GOSR2: variants seen among roughly 807,000 people sequenced by gnomAD.
GOSR2 encodes 27 kDa Golgi SNARE protein.
In GOSR2, 20 loss-of-function variants were observed where a neutral mutation model predicts 27.9. The ratio of observed to expected loss-of-function variants is 0.72; its 90% CI spans 0.50 to 1.04. The LOEUF (loss-of-function observed/expected upper bound fraction) is 1.04. GOSR2 is among the 50% of genes least tolerant of loss of function. The pLI, the probability that GOSR2 is intolerant of heterozygous loss-of-function variation, is 0.00. For missense variants in GOSR2, 261 were observed against 270.5 expected (o/e 0.97, Z 0.25); for synonymous variants, 91 against 98.8 (o/e 0.92, Z 0.47).
chr17:46,936,608 T>C (rs2088418387), intron 5 of GOSR2: 1 of 985,486 alleles, frequency 1.0e-6, no homozygotes, highest in African/African-American at 1.7e-5. Flanking sequence ...TGAAGCACTC[T>C]GATGACTGGG....
At chr17:46,944,698 C>T (rs1237026988), downstream of GOSR2, among the ~76,000 whole-genome samples, 1 of 151,678 alleles carries the variant, frequency 6.6e-6, no homozygotes, top group Non-Finnish European at 1.5e-5. Context: ...CTCCTGGGTT[C>T]AAGCGATTCT....
chr17:46,943,113 T>C (rs1283716068), downstream of GOSR2, among the ~76,000 whole-genome samples: 1 of 152,194 alleles, frequency 6.6e-6, no homozygotes, highest in Non-Finnish European at 1.5e-5. Flanking sequence ...AGGGAGCCGA[T>C]GGCTCTAATA....
At chr17:46,935,932 G>A (rs2088252480) in intron 5 of GOSR2, 16 of 985,712 alleles carry the variant, frequency 1.6e-5, no homozygotes, top group Non-Finnish European at 1.9e-5. Flanking sequence ...AGCACTCCCA[G>A]CCACTGAGCT....
downstream of GOSR2, among the ~76,000 whole-genome samples, chr17:46,944,413 C>T (rs1485299474): frequency 2.0e-5 from 3 of 152,176 alleles, no homozygotes; most frequent in Non-Finnish European, 4.4e-5. Flanking sequence ...TCCCACGTCC[C>T]TTTCTGGGGT....
intron 6 of GOSR2, among the ~76,000 whole-genome samples, chr17:46,956,864 C>T (rs1341035895): frequency 6.6e-6 from 1 of 152,192 alleles, no homozygotes; most frequent in Non-Finnish European, 1.5e-5. Flanking sequence ...AGAGCAGCTC[C>T]ACAGCGAGCA....
intron 1 of GOSR2, chr17:46,923,724 A>C (rs1242189868): frequency 2.2e-6 from 1 of 463,182 alleles, no homozygotes; most frequent in East Asian, 3.5e-5. Flanking sequence ...CGTAGCATTC[A>C]CTATTATTAC....
chr17:46,966,919 T>G (rs2091339179), exon 7 of GOSR2: 3 of 391,962 alleles, frequency 7.7e-6, no homozygotes, highest in Non-Finnish European at 1.3e-5. Flanking sequence ...TTCATGAAAT[T>G]TTATTTGAAT....
downstream of GOSR2, among the ~76,000 whole-genome samples, chr17:46,971,829 T>G (rs1411882621): frequency 6.6e-6 from 1 of 152,220 alleles, no homozygotes; most frequent in Non-Finnish European, 1.5e-5. Flanking sequence ...AACATGTGTT[T>G]GTTCTGTGTG....
intron 1 of GOSR2, among the ~76,000 whole-genome samples, chr17:46,928,879 A>T (rs1371645893): frequency 6.6e-6 from 1 of 152,084 alleles, no homozygotes; most frequent in Non-Finnish European, 1.5e-5. Flanking sequence ...AACTCTTTCC[A>T]TCCACATAAC....
chr17:46,966,522 T>C (rs1470699376), intron 6 of GOSR2: 1 of 689,528 alleles, frequency 1.5e-6, no homozygotes, highest in Non-Finnish European at 2.6e-6. Context: ...TAATTTTTTG[T>C]ATTTTTTGCA....
In GOSR2 at chr17:46,929,441, A is replaced by G. The variant is rs1049704837; in HGVS notation, c.30-79A>G. The G allele has an allele frequency of 3.8e-6, 3 of 790,516 alleles. No homozygotes were observed. In the East Asian group the frequency reaches 7.3e-5, roughly 19 times the overall value. 49.0% of individuals were successfully genotyped at this position (790,516 alleles called of 1,614,324 possible). A position where few individuals can be genotyped will look rare whatever the true frequency, so the allele number is the denominator to read the frequency against. On this transcript the variant is annotated intron_variant, in intron 1 of 5. Coordinates refer to ENST00000640051, the MANE Select transcript of GOSR2 (RefSeq NM_004287.5). The stretch of plus-strand genomic sequence containing the variant: ...CGATTTAAATCAGTTACATGTTGGC[A>G]TCAGAAAAATTGTCTTTCCTGACTG...
At chr17:46,934,262 G>A (rs2146956548) in intron 4 of GOSR2, among the ~76,000 whole-genome samples, 1 of 150,618 alleles carries the variant, frequency 6.6e-6, no homozygotes, top group Non-Finnish European at 1.5e-5. Flanking sequence ...TCTATAAAAT[G>A]GGGAGGCCTG....
chr17:46,965,092 A>G (rs757950875), intron 6 of GOSR2: 4 of 152,194 alleles, frequency 2.6e-5, no homozygotes, highest in Non-Finnish European at 4.4e-5. Context: ...TTAATATAAA[A>G]TCACATTTTT....
downstream of GOSR2, among the ~76,000 whole-genome samples, chr17:46,944,350 C>CACG (rs950007676): frequency 6.6e-6 from 1 of 152,236 alleles, no homozygotes; most frequent in African/African-American, 2.4e-5. Flanking sequence ...TGGCAGCAAC[C>CACG]ACGGGCCACA....
downstream of GOSR2, among the ~76,000 whole-genome samples, chr17:46,970,366 C>A (rs1341930217): frequency 1.3e-5 from 2 of 151,954 alleles, no homozygotes; most frequent in African/African-American, 2.4e-5. Context: ...AATGGTGAAA[C>A]CCTGTCTCTA....
Position 46,923,186 on chromosome 17 carries a change from C to A in GOSR2, c.-7C>A. On this transcript the variant is annotated 5_prime_UTR_variant, in exon 1 of 6. Transcript: ENST00000640051. ...GAGCCGGAGCCGTGGCCTGCGGGGC[C>A]GGCGACATGGATCCCCTGTTCCAGC... 1 of 1,540,328 alleles carries A rather than the reference C, an allele frequency of 6.5e-7. No individual in the cohort carries two copies. Among genetic ancestry groups the A allele is most frequent in the Non-Finnish European group, 8.8e-7 (1 of 1,136,934 alleles).
chr17:46,933,439 G>A (rs2087713136), intron 4 of GOSR2: 1 of 152,206 alleles, frequency 6.6e-6, no homozygotes, highest in Non-Finnish European at 1.5e-5. Flanking sequence ...TCAAACGCCA[G>A]CATCTTCTGA....
At position 46,941,470 on chromosome 17, in the gene GOSR2, G is replaced by T. The variant is rs2147096774; in HGVS notation, c.*2710G>T. 12 of 977,988 alleles carry T rather than the reference G, an allele frequency of 1.2e-5. No homozygotes were observed. The highest frequency in any genetic ancestry group is 1.5e-5 in the Non-Finnish European group (12 of 823,194). 60.6% of individuals were successfully genotyped at this position (977,988 alleles called of 1,614,324 possible). A position where few individuals can be genotyped will look rare whatever the true frequency, so the allele number is the denominator to read the frequency against. On this transcript the variant is annotated 3_prime_UTR_variant, in exon 6 of 6. Coordinates refer to ENST00000640051, the MANE Select transcript of GOSR2 (RefSeq NM_004287.5). ...AAACACTGCTCCATGGCCAGGGGCT[G>T]GGCTGGCTGCTTCAGAAGCAGTGGG...
intron 6 of GOSR2, among the ~76,000 whole-genome samples, chr17:46,965,938 C>A (rs1032156911): frequency 6.6e-6 from 1 of 152,000 alleles, no homozygotes; most frequent in African/African-American, 2.4e-5. Flanking sequence ...GCTGCTATGA[C>A]TTTTCTTTAA....
Sources: allele counts gnomAD v4.1 joint callset (sites outside exome capture counted in the v4.1 genomes callset), GRCh38; gene constraint gnomAD v4.1.1; transcripts MANE v1.5; gene names NCBI Gene and HGNC (gene_info 2026-07-23, HGNC 2026-07-21).